SS18: variants seen among roughly 807,000 people sequenced by gnomAD.
The protein encoded by SS18 is SS18 subunit of BAF chromatin remodeling complex.
Under a neutral mutation model 72.5 loss-of-function variants are expected in SS18, and 28 were observed. The ratio of observed to expected loss-of-function variants is 0.39; its 90% confidence interval spans 0.29 to 0.53. SS18 has a LOEUF of 0.53. Among genes scored for constraint, SS18 ranks in the 20% least tolerant of loss-of-function variants. The pLI, the probability that SS18 is intolerant of heterozygous loss-of-function variation, is 0.76. For missense variants in SS18, 518 were observed against 535.3 expected, an observed-to-expected ratio of 0.97 and a Z score of 0.32; for synonymous variants, 172 against 164.2, an observed-to-expected ratio of 1.05 and a Z score of -0.37.
Position 26,087,560 on chromosome 18 carries a change from G to A in SS18, c.87C>T (p.Asn29=). 3.2e-6 allele frequency: 5 copies of A among 1,586,470 alleles called. No homozygotes were observed. The highest frequency in any genetic ancestry group is 4.3e-6 in the Non-Finnish European group (5 of 1,160,106). ...AAIQKMLDDN[N]HLIQCIMDSQ... is the part of the protein sequence containing the mutation. ...AGTCCATTATACACTGAATAAGATG[G>A]TTATTGTCATCCAACATCTGAAACA... The change falls in exon 2 of 11, where the codon AAC becomes AAT. Residue 29 remains asparagine (N), a synonymous_variant. Coordinates refer to ENST00000415083, the MANE Select transcript of SS18 (RefSeq NM_001007559.3).
intron 3 of SS18, among the ~76,000 whole-genome samples, chr18:26,071,294 G>A (rs917292258): frequency 3.9e-5 from 6 of 152,122 alleles, no homozygotes; most frequent in African/African-American, 1.4e-4. Context: ...TAACTACAGT[G>A]TGAGAAAAAA....
intron 3 of SS18, among the ~76,000 whole-genome samples, chr18:26,077,294 C>T (rs913261108): frequency 6.6e-6 from 1 of 152,132 alleles, no homozygotes; most frequent in East Asian, 1.9e-4. Flanking sequence ...ACAAAATACT[C>T]TTACCAAAAA....
chr18:26,090,578 C>T lies in SS18; in HGVS notation c.-9G>A, dbSNP rs779056598. 17 of 1,577,228 alleles carry T rather than the reference C, an allele frequency of 1.1e-5. No individual in the cohort carries two copies. Among genetic ancestry groups the T allele is most frequent in the East Asian group, 4.8e-5 (2 of 42,086 alleles). On this transcript the variant is annotated 5_prime_UTR_variant, in exon 1 of 11. Coordinates refer to ENST00000415083, the MANE Select transcript of SS18 (RefSeq NM_001007559.3). ...GCGAAAGCCACAGACATGTTGCCGC[C>T]GTCACCACTATCGGCAAGTCCCGAG...
chr18:26,089,676 G>A (rs139406636), intron 1 of SS18: 1 of 152,178 alleles, frequency 6.6e-6, no homozygotes, highest in African/African-American at 2.4e-5. Flanking sequence ...TTTGTGTTCC[G>A]ACTGGCAGTA....
chr18:26,026,064 A>G (rs1010178200), intron 10 of SS18, among the ~76,000 whole-genome samples: 2 of 152,206 alleles, frequency 1.3e-5, no homozygotes, highest in African/African-American at 4.8e-5. Context: ...TACTAAATAC[A>G]CATCACTTTT....
At chr18:26,032,085 A>G (rs2143834940) in intron 10 of SS18, among the ~76,000 whole-genome samples, 1 of 152,280 alleles carries the variant, frequency 6.6e-6, no homozygotes, top group Non-Finnish European at 1.5e-5. Flanking sequence ...CTCTCTATCT[A>G]TACTTTACCT....
chr18:26,031,095 GTTTAC>G (rs2053535788), intron 10 of SS18, among the ~76,000 whole-genome samples: 2 of 152,150 alleles, frequency 1.3e-5, no homozygotes, highest in African/African-American at 2.4e-5. Flanking sequence ...TTTTTAAAAA[GTTTAC>G]CTGCAGATTA....
At chr18:26,020,271 T>C (rs2053325098) in intron 10 of SS18, among the ~76,000 whole-genome samples, 1 of 152,162 alleles carries the variant, frequency 6.6e-6, no homozygotes, top group Non-Finnish European at 1.5e-5. Context: ...GGATCACAAT[T>C]TCCCTTCTGT....
chr18:26,035,100 T>A lies in SS18; in HGVS notation c.1001A>T (p.Asp334Val). The A allele has an allele frequency of 6.2e-7, 1 of 1,613,466 alleles. No homozygotes were observed. Among genetic ancestry groups the A allele is most frequent in the Non-Finnish European group, 8.5e-7 (1 of 1,179,618 alleles). Residue 334 changes from aspartate to valine, a missense_variant, in exon 9 of 11, where the codon GAT becomes GTT. Coordinates refer to ENST00000415083, the MANE Select transcript of SS18 (RefSeq NM_001007559.3). This position sits in a 1 kb window ranked among gnomAD's most constrained non-coding sequence, Gnocchi z 4.4. ...GGNSQYGQQQ[D>V]AYQGPPPQQG... ...TTGTGGAGGTGGTCCCTGGTATGCA[T>A]CTTGCTGTTGGCCATACTGTGAATT...
chr18:26,059,910 G>C (rs529739714), intron 3 of SS18, among the ~76,000 whole-genome samples: 2 of 152,210 alleles, frequency 1.3e-5, no homozygotes, highest in Non-Finnish European at 2.9e-5. Context: ...AACAAGTGTT[G>C]TGAACAATGT....
intron 10 of SS18, among the ~76,000 whole-genome samples, chr18:26,022,371 A>C (rs1055206613): frequency 2.0e-5 from 3 of 152,160 alleles, no homozygotes; most frequent in African/African-American, 7.2e-5. Flanking sequence ...AATGAAGAGA[A>C]ATGTTATGTT....
chr18:26,073,902 C>T (rs975947705), intron 3 of SS18, among the ~76,000 whole-genome samples: 1 of 152,116 alleles, frequency 6.6e-6, no homozygotes, highest in East Asian at 1.9e-4. Context: ...TTTATCTAGG[C>T]ATGGGTATTT....
At chr18:26,054,525 C>T (rs1023666447) in intron 4 of SS18, among the ~76,000 whole-genome samples, 1 of 151,400 alleles carries the variant, frequency 6.6e-6, no homozygotes, top group African/African-American at 2.4e-5. Context: ...CCTAAATGTT[C>T]GAATAAATTA....
At chr18:26,031,510 A>G (rs529114544) in intron 10 of SS18, among the ~76,000 whole-genome samples, 1 of 152,350 alleles carries the variant, frequency 6.6e-6, no homozygotes, top group South Asian at 2.1e-4. Flanking sequence ...CCTTCACTGA[A>G]AAGTGCAGAC....
At chr18:26,046,457 T>C (rs2053825717) in intron 5 of SS18, among the ~76,000 whole-genome samples, 1 of 152,192 alleles carries the variant, frequency 6.6e-6, no homozygotes, top group Admixed American at 6.5e-5. Context: ...AGAATTTCTT[T>C]AATGTGAAAT....
intron 10 of SS18, among the ~76,000 whole-genome samples, chr18:26,025,551 G>T (rs1180373610): frequency 6.6e-6 from 1 of 151,936 alleles, no homozygotes; most frequent in African/African-American, 2.4e-5. Context: ...ACAGATTATG[G>T]AGATATTGAG....
Position 26,074,536 on chromosome 18 carries a change from A to G in SS18, c.231+3540T>C, listed in dbSNP as rs548043606. Among the ~76,000 whole-genome samples the G allele has an allele frequency of 2.6e-5, 4 of 152,172 alleles. No individual in the cohort carries two copies. In the South Asian group the frequency reaches 8.3e-4, roughly 32 times the overall value. ...GCCAGACATTTAACAGAAACTTGCA[A>G]AAACGTAACATGATGCCATTCATCT... On this transcript the variant is annotated intron_variant, in intron 3 of 10. Coordinates refer to ENST00000415083, the MANE Select transcript of SS18 (RefSeq NM_001007559.3).
Position 26,055,238 on chromosome 18 carries a change from G to A in SS18, c.385+2351C>T, listed in dbSNP as rs555075281. Among the ~76,000 whole-genome samples, 20 of 152,022 alleles carry A rather than the reference G, an allele frequency of 1.3e-4. 1 individual carries two copies. In the South Asian group the frequency reaches 2.7e-3, roughly 21 times the overall value. On this transcript the variant is annotated intron_variant, in intron 4 of 10. Coordinates refer to ENST00000415083, the MANE Select transcript of SS18 (RefSeq NM_001007559.3). ...TCCCAGCACTTTGGGAGGCTGAAGC[G>A]GGTGGATCACCTGATGTCAGGAATT...
At chr18:26,071,188 G>A (rs73403575) in intron 3 of SS18, among the ~76,000 whole-genome samples, 2,451 of 152,180 alleles carry the variant, frequency 0.016, 51 homozygotes, top group African/African-American at 0.055. Context: ...GATAATGACT[G>A]AAAACTCCCA....
Sources: allele counts gnomAD v4.1 joint callset (sites outside exome capture counted in the v4.1 genomes callset), GRCh38; gene constraint gnomAD v4.1.1; non-coding constraint Gnocchi (gnomAD v3.1); transcripts MANE v1.5; gene names NCBI Gene and HGNC (gene_info 2026-07-23, HGNC 2026-07-21).